Variants in AATK observed in about 807,000 individuals in gnomAD.
AATK encodes serine/threonine-protein kinase LMTK1.
AATK carries 91 observed loss-of-function variants against 114.3 expected under a neutral mutation model. The observed-to-expected ratio is 0.80, with a 90% CI of 0.67 to 0.95. The LOEUF (loss-of-function observed/expected upper bound fraction) is 0.95, where lower values mean the gene tolerates loss of function less well. AATK is among the 40% of genes least tolerant of loss of function. AATK has a pLI of 0.00. For synonymous variants in AATK, 1,075 were observed against 916.5 expected, an observed-to-expected ratio of 1.17 and a Z score of -3.12; for missense variants, 2,176 against 1,965.2, an observed-to-expected ratio of 1.11 and a Z score of -2.03.
At position 81,123,176 on chromosome 17, in the gene AATK, G is replaced by C. The variant is rs2060724268; in HGVS notation, c.1112+18C>G. 2.8e-6 allele frequency: 4 copies of C among 1,422,362 alleles called. No individual in the cohort carries two copies. In the East Asian group the frequency reaches 1.2e-4, roughly 42 times the overall value. 88.1% of individuals were successfully genotyped at this position (1,422,362 alleles called of 1,614,324 possible). A position where few individuals can be genotyped will look rare whatever the true frequency, so the allele number is the denominator to read the frequency against. ...CATCTCGGCCTGGCTGTCCGGGACA[G>C]GGCAGTGGGGCCCTCACCAGCGGTC... is the stretch of plus-strand genomic sequence containing the variant. On this transcript the variant is annotated intron_variant, in intron 10 of 13. Coordinates refer to ENST00000326724, the MANE Select transcript of AATK (RefSeq NM_001080395.3).
chr17:81,152,924 C>A (rs1156641984), intron 1 of AATK, among the ~76,000 whole-genome samples: 1 of 149,852 alleles, frequency 6.7e-6, no homozygotes, highest in Non-Finnish European at 1.5e-5. Flanking sequence ...TTCACTGAAA[C>A]CTCTGCCTCC....
At position 81,126,845 on chromosome 17, in the gene AATK, C is replaced by T. The variant is rs2060836483; in HGVS notation, c.622-285G>A. 7.9e-7 allele frequency: 1 copy of T among 1,259,564 alleles called. No individual in the cohort carries two copies. The highest frequency in any genetic ancestry group is 3.7e-5 in the Admixed American group (1 of 27,308). 78.0% of individuals were successfully genotyped at this position (1,259,564 alleles called of 1,614,324 possible). On this transcript the variant is annotated intron_variant, in intron 6 of 13. Coordinates refer to ENST00000326724, the MANE Select transcript of AATK (RefSeq NM_001080395.3). This position sits in a 1 kb window ranked among gnomAD's most constrained non-coding sequence, Gnocchi z 5.1. ...GTGGTAGAGAGAGAAACACAGGGCC[C>T]AAGTGGATCTGCTTGATGGAGTCTG...
intron 13 of AATK, among the ~76,000 whole-genome samples, chr17:81,118,913 G>A (rs2060619236): frequency 6.6e-6 from 1 of 152,238 alleles, no homozygotes; most frequent in Non-Finnish European, 1.5e-5. Flanking sequence ...AGGGACACCT[G>A]GCAGAGATGA....
At position 81,118,411 on chromosome 17, in the gene AATK, T is replaced by A. The variant is rs1024325274; in HGVS notation, c.4116A>T (p.Lys1372Asn). The A allele has an allele frequency of 6.2e-7, 1 of 1,608,408 alleles. No homozygotes were observed. The highest frequency in any genetic ancestry group is 8.5e-7 in the Non-Finnish European group (1 of 1,178,172). The change falls in exon 14 of 14, where the codon AAA becomes AAT. Residue 1372 changes from lysine (K) to asparagine (N), a missense_variant. Around this residue, in one of 4 missense-constraint regions of AATK, gnomAD observed 1,701 missense variants for 1,394.7 expected, o/e 1.22. Coordinates refer to ENST00000326724, the MANE Select transcript of AATK (RefSeq NM_001080395.3). Reference sequence around the variant, plus strand: ...AGGAGCTGCCCAGGTCTCAAGCCTCTTTACTCTCACCCCCGGCACCAGCTT... The same window carrying A: ...AGGAGCTGCCCAGGTCTCAAGCCTCATTACTCTCACCCCCGGCACCAGCTT... ...GPEAGAGGES[K>N]EA
chr17:81,122,230 G>T lies in AATK; in HGVS notation c.1706C>A (p.Ala569Asp). Residue 569 changes from alanine to aspartate, a missense_variant, in exon 11 of 14, where the codon GCC becomes GAC. By Grantham distance (126) the Ala-to-Asp change is moderately radical. Around this residue, in one of 4 missense-constraint regions of AATK, gnomAD observed 1,701 missense variants for 1,394.7 expected, o/e 1.22. Transcript: ENST00000326724. ...DQDDDSDGSTAASLAMEPLLG... is the reference protein window; with the variant it reads ...DQDDDSDGSTDASLAMEPLLG... ...CAGCGGCTCCATGGCCAGCGAGGCG[G>T]CGGTGCTGCCGTCAGAGTCGTCGTC... 1.3e-6 allele frequency: 2 copies of T among 1,493,580 alleles called. No individual in the cohort carries two copies. Among genetic ancestry groups the T allele is most frequent in the Non-Finnish European group, 1.8e-6 (2 of 1,123,622 alleles). 92.5% of individuals were successfully genotyped at this position (1,493,580 alleles called of 1,614,324 possible).
chr17:81,149,117 G>A (rs1035753051), intron 1 of AATK, among the ~76,000 whole-genome samples: 4 of 152,118 alleles, frequency 2.6e-5, no homozygotes, highest in Admixed American at 6.5e-5. Flanking sequence ...GCTGCATTCC[G>A]GGGCCGGGGC....
At chr17:81,150,513 C>A (rs1379275573) in intron 1 of AATK, among the ~76,000 whole-genome samples, 3 of 151,710 alleles carry the variant, frequency 2.0e-5, no homozygotes, top group African/African-American at 7.3e-5. Context: ...AGGGATGCCC[C>A]CTCTGGGAAG....
intron 1 of AATK, among the ~76,000 whole-genome samples, chr17:81,155,370 A>G (rs2061347797): frequency 6.7e-6 from 1 of 148,240 alleles, no homozygotes; most frequent in Admixed American, 6.7e-5. Flanking sequence ...CCTTTTTAAT[A>G]CATTTTACCT....
At position 81,120,514 on chromosome 17, in the gene AATK, G is replaced by C; in HGVS notation, c.3422C>G (p.Ala1141Gly). ...KRMGGPGTPR[A>G]PLRLALPGLP... ...GCCGGGCAGAGCCAGGCGGAGTGGG[G>C]CTCTGGGGGTGCCTGGGCCCCCCAT... The change falls in exon 11 of 14, where the codon GCC (alanine) becomes GGC (glycine). Residue 1141 changes from alanine to glycine, a missense_variant. Physicochemically the swap from Ala to Gly is moderately conservative, Grantham distance 60. Coordinates refer to ENST00000326724, the MANE Select transcript of AATK (RefSeq NM_001080395.3). 2.0e-6 allele frequency: 3 copies of C among 1,486,422 alleles called. No homozygotes were observed. The African/African-American group carries it at 4.2e-5, about 21-fold the overall frequency. 92.1% of individuals were successfully genotyped at this position (1,486,422 alleles called of 1,614,324 possible). A position where few individuals can be genotyped will look rare whatever the true frequency, so the allele number is the denominator to read the frequency against.
At chr17:81,158,952 G>A (rs979869075) in intron 1 of AATK, among the ~76,000 whole-genome samples, 21 of 152,184 alleles carry the variant, frequency 1.4e-4, no homozygotes, top group Admixed American at 1.2e-3. Context: ...TACACACAGC[G>A]AAAACCTCAG....
chr17:81,145,652 G>C (rs1266793952), intron 1 of AATK, among the ~76,000 whole-genome samples: 1 of 145,470 alleles, frequency 6.9e-6, no homozygotes, highest in African/African-American at 2.5e-5. Context: ...AGAATTGCTT[G>C]AACCTGGGAG....
At chr17:81,161,338 C>T (rs954465220) in intron 1 of AATK, among the ~76,000 whole-genome samples, 14 of 152,282 alleles carry the variant, frequency 9.2e-5, no homozygotes, top group South Asian at 4.1e-4. Flanking sequence ...CTCCTTCCCG[C>T]GTGCACGCCA....
intron 7 of AATK, chr17:81,125,780 CAGGGCCAT>C (rs1555694556): frequency 2.5e-6 from 1 of 400,770 alleles, no homozygotes; most frequent in Non-Finnish European, 5.1e-6. Context: ...GGGATCGCTA[CAGGGCCAT>C]GTGTCCTGGG....
intron 1 of AATK, among the ~76,000 whole-genome samples, chr17:81,137,458 C>T (rs371564645): frequency 2.0e-5 from 3 of 152,022 alleles, no homozygotes; most frequent in South Asian, 4.1e-4. Context: ...CACCTGCTCT[C>T]GGCCACCCTG....
intron 1 of AATK, among the ~76,000 whole-genome samples, chr17:81,162,355 C>T (rs899356456): frequency 1.1e-4 from 17 of 152,208 alleles, no homozygotes; most frequent in African/African-American, 2.6e-4. Context: ...TCTGAGACCC[C>T]GGGGGCGAGA....
rs569468414 is a variant in AATK at position 81,129,165 on chromosome 17, C to T, written c.335-616G>A. On this transcript the variant is annotated intron_variant, in intron 3 of 13. Transcript: ENST00000326724. Reference sequence around the variant, plus strand: ...CCCGAGGGATTCCCCGAATTCTGCTCCCACGTCAACTGCCCAGAGGGCTGA... The same window carrying T: ...CCCGAGGGATTCCCCGAATTCTGCTTCCACGTCAACTGCCCAGAGGGCTGA... Among the ~76,000 whole-genome samples, 4 of 152,354 alleles carry T rather than the reference C, an allele frequency of 2.6e-5. No individual in the cohort carries two copies. In the East Asian group the frequency reaches 7.7e-4, roughly 29 times the overall value.
At chr17:81,130,259 G>T (rs1276884306) in intron 3 of AATK, among the ~76,000 whole-genome samples, 1 of 152,198 alleles carries the variant, frequency 6.6e-6, no homozygotes, top group East Asian at 1.9e-4. Context: ...GGCAGTGATG[G>T]GGGAAGCCTC....
rs887755939 is a variant in AATK at position 81,126,205 on chromosome 17, G to A, written c.755+222C>T. Among the ~76,000 whole-genome samples, 2 of 152,192 alleles carry A rather than the reference G, an allele frequency of 1.3e-5. No individual in the cohort carries two copies. The highest frequency in any genetic ancestry group is 4.8e-5 in the African/African-American group (2 of 41,448). ...AGAGAACAGGCCAGCTTGACAGTAC[G>A]CATCTCTTCGTCTAAACCTGCAAAG... On this transcript the variant is annotated intron_variant, in intron 7 of 13. Transcript: ENST00000326724. The surrounding 1 kb of genome is among the most constrained non-coding windows in gnomAD (Gnocchi z 5.1).
intron 1 of AATK, chr17:81,160,360 C>T (rs2061416201): frequency 1.7e-6 from 1 of 594,958 alleles, no homozygotes; most frequent in African/African-American, 2.0e-5. Flanking sequence ...AGGCCCCGGT[C>T]CCTGCGGAGG....
Sources: gnomAD v4.1 joint callset for allele counts (sites outside exome capture counted in the v4.1 genomes callset) on GRCh38, gnomAD v4.1.1 for gene constraint, gnomAD v4.1.1 regional missense constraint, Gnocchi (gnomAD v3.1) non-coding constraint, MANE v1.5 for transcripts, NCBI Gene and HGNC (gene_info 2026-07-23, HGNC 2026-07-21) for gene names.